Variants in LUZP2 observed in about 807,000 individuals in gnomAD.
LUZP2 encodes leucine zipper protein 2.
Under a neutral mutation model 51.6 loss-of-function variants are expected in LUZP2, and 52 were observed. That is an observed-to-expected ratio of 1.01 (90% CI 0.81 to 1.27). The LOEUF (loss-of-function observed/expected upper bound fraction) is 1.27. Ranked by LOEUF, LUZP2 falls within the 50% of genes most tolerant of loss-of-function variation. LUZP2 has a pLI of 0.00. For missense variants in LUZP2, 436 were observed against 395.4 expected (o/e 1.10, Z -0.87); for synonymous variants, 154 against 137.3 (o/e 1.12, Z -0.85).
At chr11:24,910,136 G>A (rs563131248) in intron 6 of LUZP2, among the ~76,000 whole-genome samples, 8 of 152,156 alleles carry the variant, frequency 5.3e-5, no homozygotes, top group East Asian at 1.9e-4. Context: ...GTGGAACTTC[G>A]AACTTGTGAG....
At chr11:24,753,992 C>T (rs780713492) in intron 4 of LUZP2, among the ~76,000 whole-genome samples, 2 of 152,074 alleles carry the variant, frequency 1.3e-5, no homozygotes, top group African/African-American at 2.4e-5. Context: ...ATCTACTCAG[C>T]CTTTGATAGT....
At chr11:24,948,687 C>A (rs1044325969) in intron 7 of LUZP2, among the ~76,000 whole-genome samples, 4 of 151,620 alleles carry the variant, frequency 2.6e-5, no homozygotes, top group African/African-American at 9.7e-5. Context: ...CCTTGTGAAC[C>A]CACCGCTTAT....
intron 5 of LUZP2, chr11:24,786,807 A>G (rs1319932792): frequency 6.6e-6 from 1 of 150,794 alleles, no homozygotes. Context: ...GGAATGAATT[A>G]AACAATTGCC....
chr11:24,682,504 A>C (rs1348148977), intron 1 of LUZP2, among the ~76,000 whole-genome samples: 1 of 37,048 alleles, frequency 2.7e-5, no homozygotes, highest in Non-Finnish European at 5.0e-5. Context: ...TGGAAAAAAA[A>C]AAATGCAAAA....
At chr11:25,041,403 C>A (rs959833362) in intron 9 of LUZP2, among the ~76,000 whole-genome samples, 2 of 152,006 alleles carry the variant, frequency 1.3e-5, no homozygotes, top group African/African-American at 2.4e-5. Flanking sequence ...TATTTTCAAA[C>A]CTTGGTTGAC....
chr11:24,986,537 CTGTGTGTG>C (rs61367765), intron 9 of LUZP2, among the ~76,000 whole-genome samples: 18 of 145,816 alleles, frequency 1.2e-4, no homozygotes, highest in Admixed American at 6.3e-4. Context: ...TAGCATGCCT[CTGTGTGTG>C]TGTGTGTGTG....
At chr11:24,828,420 C>G (rs192379846) in intron 5 of LUZP2, among the ~76,000 whole-genome samples, 5 of 152,062 alleles carry the variant, frequency 3.3e-5, no homozygotes, top group Admixed American at 2.0e-4. Flanking sequence ...ATTGAACATG[C>G]AAAAATTCCT....
chr11:24,737,148 A>G (rs1247608542), intron 3 of LUZP2, among the ~76,000 whole-genome samples: 1 of 152,032 alleles, frequency 6.6e-6, no homozygotes, highest in Admixed American at 6.6e-5. Context: ...ATGACCTAAC[A>G]TTTGTTAAGG....
chr11:24,634,707 T>G (rs573882140), intron 1 of LUZP2, among the ~76,000 whole-genome samples: 1 of 152,158 alleles, frequency 6.6e-6, no homozygotes, highest in African/African-American at 2.4e-5. Flanking sequence ...TGTTTACTCG[T>G]TTGCATTATG....
intron 1 of LUZP2, among the ~76,000 whole-genome samples, chr11:24,559,646 G>A (rs547072202): frequency 3.3e-4 from 51 of 152,282 alleles, no homozygotes; most frequent in African/African-American, 1.1e-3. Flanking sequence ...GTTTAAATAA[G>A]TGACAGAAAC....
chr11:24,575,934 G>A (rs1167860082), intron 1 of LUZP2, among the ~76,000 whole-genome samples: 1 of 151,942 alleles, frequency 6.6e-6, no homozygotes, highest in Non-Finnish European at 1.5e-5. Context: ...GAGATTTAAA[G>A]TTCATTTGGA....
At chr11:24,817,478 G>C (rs1850221392) in intron 5 of LUZP2, among the ~76,000 whole-genome samples, 1 of 151,980 alleles carries the variant, frequency 6.6e-6, no homozygotes, top group Non-Finnish European at 1.5e-5. Flanking sequence ...AGAGCCCAAT[G>C]AAAATTATAC....
chr11:24,503,594 TA>T (rs1850065959), intron 1 of LUZP2, among the ~76,000 whole-genome samples: 1 of 152,184 alleles, frequency 6.6e-6, no homozygotes, highest in Admixed American at 6.5e-5. Flanking sequence ...AAGTGTACTT[TA>T]AAAAGCCTAC....
intron 1 of LUZP2, among the ~76,000 whole-genome samples, chr11:24,698,374 T>C (rs7395433): frequency 0.91 from 138,754 of 152,262 alleles, 63,471 homozygotes; most frequent in East Asian, 0.95. Context: ...TTGTTCCTAA[T>C]TGATGCACTT....
At chr11:25,010,589 G>C (rs1438675428) in intron 9 of LUZP2, among the ~76,000 whole-genome samples, 1 of 151,988 alleles carries the variant, frequency 6.6e-6, no homozygotes, top group East Asian at 1.9e-4. Flanking sequence ...GCTCACACGT[G>C]TAATCACAGC....
At chr11:25,024,363 G>T (rs1857423422) in intron 9 of LUZP2, among the ~76,000 whole-genome samples, 1 of 152,092 alleles carries the variant, frequency 6.6e-6, no homozygotes. Flanking sequence ...AATTGTCCCT[G>T]TTTGCAGATG....
At chr11:24,623,318 A>T (rs1262739822) in intron 1 of LUZP2, among the ~76,000 whole-genome samples, 1 of 152,196 alleles carries the variant, frequency 6.6e-6, no homozygotes, top group Non-Finnish European at 1.5e-5. Context: ...AAAATAATAA[A>T]ATCAGAATTA....
At chr11:24,583,603 G>A (rs1359336395) in intron 1 of LUZP2, among the ~76,000 whole-genome samples, 1 of 152,002 alleles carries the variant, frequency 6.6e-6, no homozygotes, top group Non-Finnish European at 1.5e-5. Context: ...ATAAGGGAAA[G>A]TAGACACTTT....
chr11:24,853,237 T>C (rs1851448664), intron 5 of LUZP2, among the ~76,000 whole-genome samples: 1 of 152,134 alleles, frequency 6.6e-6, no homozygotes, highest in South Asian at 2.1e-4. Flanking sequence ...TATTTAGTGC[T>C]TCCTTCAGGA....
Sources: allele counts gnomAD v4.1 joint callset (sites outside exome capture counted in the v4.1 genomes callset), GRCh38; gene constraint gnomAD v4.1.1; transcripts MANE v1.5; gene names NCBI Gene and HGNC (gene_info 2026-07-23, HGNC 2026-07-21).